ESCO1: variants seen among roughly 807,000 people sequenced by gnomAD.
The protein encoded by ESCO1 is N-acetyltransferase ESCO1.
A neutral mutation model predicts 83.5 loss-of-function variants in ESCO1; 33 were observed. The ratio of observed to expected loss-of-function variants is 0.40; its 90% confidence interval spans 0.30 to 0.53. The LOEUF (loss-of-function observed/expected upper bound fraction) is 0.53. Ranked by LOEUF, ESCO1 falls within the 20% of genes least tolerant of loss-of-function variation. ESCO1 has a pLI of 0.63. For synonymous variants in ESCO1, 332 were observed against 324.3 expected (o/e 1.02, Z -0.25); for missense variants, 855 against 968.0 (o/e 0.88, Z 1.55).
At chr18:21,566,676 C>A in intron 5 of ESCO1, among the ~76,000 whole-genome samples, 1 of 152,084 alleles carries the variant, frequency 6.6e-6, no homozygotes, top group Non-Finnish European at 1.5e-5. Flanking sequence ...GCCTGGCCAA[C>A]ATAGGGAAAC....
rs1598471673 is a variant in ESCO1, at chr18:21,575,035, G to C, written c.-192C>G. ...AAGGTTTCTGTCATTCCTAGAACAT[G>C]AGAAAAGCTGGCATGAATGCTAAAA... On this transcript the variant is annotated 5_prime_UTR_variant, in exon 4 of 12. Coordinates refer to ENST00000269214, the MANE Select transcript of ESCO1 (RefSeq NM_052911.3). The C allele has an allele frequency of 2.2e-6, 1 of 446,102 alleles. No homozygotes were observed. Among genetic ancestry groups the C allele is most frequent in the Middle Eastern group, 5.9e-4 (1 of 1,702 alleles). 27.6% of individuals were successfully genotyped at this position (446,102 alleles called of 1,614,324 possible). A position where few individuals can be genotyped will look rare whatever the true frequency, so the allele number is the denominator to read the frequency against.
chr18:21,536,454 C>T (rs960994045), intron 9 of ESCO1, among the ~76,000 whole-genome samples: 1 of 151,764 alleles, frequency 6.6e-6, no homozygotes, highest in African/African-American at 2.4e-5. Flanking sequence ...AGCCAGGTGC[C>T]GCAGTGTGCG....
chr18:21,594,331 T>C (rs1007657832), intron 1 of ESCO1, among the ~76,000 whole-genome samples: 7 of 152,228 alleles, frequency 4.6e-5, no homozygotes, highest in African/African-American at 1.4e-4. Context: ...TGAATTGTTC[T>C]TCAGCAAAGC....
intron 9 of ESCO1, among the ~76,000 whole-genome samples, chr18:21,538,957 C>G (rs1182210433): frequency 6.6e-6 from 1 of 151,488 alleles, no homozygotes; most frequent in Non-Finnish European, 1.5e-5. Flanking sequence ...TTAAAATAAC[C>G]TATATAATAA....
intron 2 of ESCO1, among the ~76,000 whole-genome samples, chr18:21,581,968 G>GTC (rs1428341365): frequency 2.0e-5 from 3 of 151,412 alleles, no homozygotes; most frequent in Non-Finnish European, 4.4e-5. Flanking sequence ...CATACCTATA[G>GTC]TCCCAGCTAT....
intron 8 of ESCO1, among the ~76,000 whole-genome samples, chr18:21,553,306 A>G (rs2038067654): frequency 6.6e-6 from 1 of 152,098 alleles, no homozygotes; most frequent in Admixed American, 6.6e-5. Context: ...GAAAAAGTGT[A>G]TAATTAAAAG....
At chr18:21,596,479 C>G (rs2038769071) in intron 1 of ESCO1, among the ~76,000 whole-genome samples, 1 of 151,970 alleles carries the variant, frequency 6.6e-6, no homozygotes. Flanking sequence ...TAAGTGTTAG[C>G]TATAATAATA....
At position 21,575,785 on chromosome 18, in the gene ESCO1, A is replaced by G; in HGVS notation, c.-693-8T>C. ...TAACACATCACACAGCACCTGAAAG[A>G]AAAAGGGTTTTTTTTAATGTTCAAA... On this transcript the variant is annotated splice_region_variant and splice_polypyrimidine_tract_variant and intron_variant, in intron 2 of 11. Transcript: ENST00000269214. The G allele has an allele frequency of 2.5e-6, 1 of 398,100 alleles. No homozygotes were observed. Among genetic ancestry groups the G allele is most frequent in the African/African-American group, 2.1e-5 (1 of 48,724 alleles). 24.7% of individuals were successfully genotyped at this position (398,100 alleles called of 1,614,324 possible). A position where few individuals can be genotyped will look rare whatever the true frequency, so the allele number is the denominator to read the frequency against.
intron 11 of ESCO1, 105 bp downstream of exon 11, chr18:21,532,368 C>T: frequency 8.0e-7 from 1 of 1,254,074 alleles, no homozygotes; most frequent in Non-Finnish European, 1.1e-6. Flanking sequence ...GTAATTAATA[C>T]AAATAAAGAT....
Position 21,539,796 on chromosome 18 carries a change from C to T in ESCO1, c.2043+124G>A, listed in dbSNP as rs2037880147. ...CCGGGAGACAGAGGTTGCAGTGAGC[C>T]GAGATCGTGCCACTGCACTCCAGCC... On this transcript the variant is annotated intron_variant, in intron 9 of 11. Coordinates refer to ENST00000269214, the MANE Select transcript of ESCO1 (RefSeq NM_052911.3). 11 of 708,054 alleles carry T rather than the reference C, an allele frequency of 1.6e-5. 1 individual carries two copies. The East Asian group carries it at 2.5e-4, about 16-fold the overall frequency. The allele number at this position is 708,054 out of a possible 1,614,324, so 43.9% of individuals were successfully genotyped here. A position where few individuals can be genotyped will look rare whatever the true frequency, so the allele number is the denominator to read the frequency against.
At chr18:21,563,599 T>C (rs2038218266) in intron 7 of ESCO1, among the ~76,000 whole-genome samples, 1 of 151,688 alleles carries the variant, frequency 6.6e-6, no homozygotes, top group Admixed American at 6.6e-5. Context: ...CCACCCACCT[T>C]GGCCTCCCAA....
At chr18:21,596,375 A>G (rs1011070319) in intron 1 of ESCO1, among the ~76,000 whole-genome samples, 3 of 152,040 alleles carry the variant, frequency 2.0e-5, no homozygotes, top group Non-Finnish European at 2.9e-5. Context: ...CCTCCTTTTA[A>G]TTTACCCTCT....
chr18:21,539,587 C>T (rs920479907), intron 9 of ESCO1, among the ~76,000 whole-genome samples: 2 of 152,144 alleles, frequency 1.3e-5, no homozygotes, highest in African/African-American at 4.8e-5. Flanking sequence ...CGCAGTGGTT[C>T]AAGCCTGTAA....
intron 8 of ESCO1, among the ~76,000 whole-genome samples, chr18:21,544,520 T>C (rs1340942717): frequency 2.0e-5 from 3 of 150,696 alleles, no homozygotes; most frequent in Non-Finnish European, 3.0e-5. Context: ...TCCCAGCTAC[T>C]TGGGAGGCTG....
At chr18:21,530,996 A>C (rs1298925954) in intron 11 of ESCO1, among the ~76,000 whole-genome samples, 1 of 152,236 alleles carries the variant, frequency 6.6e-6, no homozygotes, top group Admixed American at 6.5e-5. Flanking sequence ...TAAAAAATTC[A>C]CAAAAACAAA....
intron 11 of ESCO1, among the ~76,000 whole-genome samples, chr18:21,531,908 A>AG (rs1207388470): frequency 6.6e-6 from 1 of 151,080 alleles, no homozygotes; most frequent in Admixed American, 6.6e-5. Flanking sequence ...AAAAAAAAAA[A>AG]AAAAAAAATT....
intron 10 of ESCO1, among the ~76,000 whole-genome samples, chr18:21,534,372 C>A (rs1406717376): frequency 6.6e-6 from 1 of 152,190 alleles, no homozygotes; most frequent in Non-Finnish European, 1.5e-5. Context: ...GAACAGTAGT[C>A]ACACACAATG....
chr18:21,543,216 G>A (rs1396814693), intron 8 of ESCO1, among the ~76,000 whole-genome samples: 3 of 152,074 alleles, frequency 2.0e-5, no homozygotes, highest in Non-Finnish European at 4.4e-5. Flanking sequence ...GTGCAATGGC[G>A]CAATCTCGGC....
chr18:21,535,619 T>G (rs573444083), intron 10 of ESCO1, among the ~76,000 whole-genome samples: 109 of 152,156 alleles, frequency 7.2e-4, no homozygotes, highest in Non-Finnish European at 1.4e-3. Context: ...CCTGACCTTG[T>G]GATCCTCCCA....
Sources: gnomAD v4.1 joint callset for allele counts (sites outside exome capture counted in the v4.1 genomes callset) on GRCh38, gnomAD v4.1.1 for gene constraint, MANE v1.5 for transcripts, NCBI Gene and HGNC (gene_info 2026-07-23, HGNC 2026-07-21) for gene names.